APOD: variants seen among roughly 807,000 people sequenced by gnomAD.
APOD encodes the protein apolipoprotein D, also known as apo-D.
APOD carries 22 observed loss-of-function variants against 20.4 expected under a neutral mutation model. The ratio of observed to expected loss-of-function variants is 1.08; its 90% CI spans 0.77 to 1.54. APOD has a LOEUF of 1.54. APOD is among the 40% of genes most tolerant of loss of function. The pLI is 0.00. For synonymous variants in APOD, 97 were observed against 92.4 expected, an observed-to-expected ratio of 1.05 and a Z score of -0.29; for missense variants, 223 against 229.6, an observed-to-expected ratio of 0.97 and a Z score of 0.19.
intron 1 of APOD, 50 bp downstream of exon 1, chr3:195,583,828 A>G (rs905333668): frequency 5.3e-5 from 8 of 151,956 alleles, no homozygotes. Context: ...GACTGTTTCT[A>G]TTTTAGACAT....
At chr3:195,571,601 G>C (rs1449351372) in intron 3 of APOD, among the ~76,000 whole-genome samples, 3 of 152,078 alleles carry the variant, frequency 2.0e-5, no homozygotes, top group African/African-American at 7.2e-5. Flanking sequence ...GCAGCGGGGT[G>C]ATAAGAAGCC....
At chr3:195,569,701 C>T (rs1720124382) in intron 4 of APOD, among the ~76,000 whole-genome samples, 1 of 150,960 alleles carries the variant, frequency 6.6e-6, no homozygotes, top group Non-Finnish European at 1.5e-5. Flanking sequence ...TTTAATGTGG[C>T]ATTCAAGGCC....
chr3:195,569,311 G>A (rs1047412916), intron 4 of APOD, among the ~76,000 whole-genome samples, 176 bp from the exon 5 acceptor site: 9 of 152,138 alleles, frequency 5.9e-5, no homozygotes, highest in African/African-American at 2.2e-4. Context: ...TAGACTGAGT[G>A]TTTCTGACTT....
In APOD at chr3:195,568,843, A is replaced by C. The variant is rs201525248; in HGVS notation, c.*57T>G. The C allele has an allele frequency of 1.7e-5, 14 of 848,334 alleles. No individual in the cohort carries two copies. The highest frequency in any genetic ancestry group is 3.0e-5 in the East Asian group (1 of 32,894). 52.6% of individuals were successfully genotyped at this position (848,334 alleles called of 1,614,324 possible). On this transcript the variant is annotated 3_prime_UTR_variant, in exon 5 of 5. Coordinates refer to ENST00000343267, the MANE Select transcript of APOD (RefSeq NM_001647.4). Reference sequence around the variant, plus strand: ...TGGTTTGTCTTTATGGGGGGGGGGTAGGGGAAAGCGAAGCAGAAGTAACAT... The same window carrying C: ...TGGTTTGTCTTTATGGGGGGGGGGTCGGGGAAAGCGAAGCAGAAGTAACAT...
At chr3:195,579,255 T>C in intron 2 of APOD, 84 bp downstream of exon 2, 1 of 1,572,562 alleles carries the variant, frequency 6.4e-7, no homozygotes, top group Admixed American at 1.8e-5. Context: ...GCAGTGGAAA[T>C]TAAAGCAGCA....
rs192101619 is a variant in APOD at position 195,571,842 on chromosome 3, C to T, written c.246-477G>A. On this transcript the variant is annotated intron_variant, in intron 3 of 4. Coordinates refer to ENST00000343267, the MANE Select transcript of APOD (RefSeq NM_001647.4). ...TCCCCCAGGCTGGAGTGCAGTGGTG[C>T]GATCTCGGCTTACTGCAACCTCTGC... Among the ~76,000 whole-genome samples the T allele has an allele frequency of 6.6e-5, 10 of 151,384 alleles. 1 individual carries two copies. Among genetic ancestry groups the T allele is most frequent in the African/African-American group, 1.5e-4 (6 of 41,238 alleles).
chr3:195,573,773 G>A, intron 3 of APOD, 77 bp downstream of exon 3: 2 of 1,558,830 alleles, frequency 1.3e-6, no homozygotes, highest in South Asian at 1.2e-5. Flanking sequence ...CATCCTCCCT[G>A]ACCCAGGCTG....
At position 195,573,774 on chromosome 3, in the gene APOD, A is replaced by G; in HGVS notation, c.245+76T>C. On this transcript the variant is annotated intron_variant, in intron 3 of 4. Coordinates refer to ENST00000343267, the MANE Select transcript of APOD (RefSeq NM_001647.4). ...TCCAGCAAGGTTCCCATCCTCCCTG[A>G]CCCAGGCTGCCGGACACCCAGTCAC... 3 of 1,561,980 alleles carry G rather than the reference A, an allele frequency of 1.9e-6. No homozygotes were observed. The South Asian group carries it at 3.6e-5, about 19-fold the overall frequency.
chr3:195,569,785 C>CTTTTTTT (rs1560457392), intron 4 of APOD, among the ~76,000 whole-genome samples: 1 of 86,888 alleles, frequency 1.2e-5, no homozygotes, highest in African/African-American at 4.8e-5. Context: ...TCTTCTTCTT[C>CTTTTTTT]GTTTTTTTTT....
At position 195,573,844 on chromosome 3, in the gene APOD, A is replaced by G. The variant is rs755994814; in HGVS notation, c.245+6T>C. 6.2e-7 allele frequency: 1 copy of G among 1,613,620 alleles called. No homozygotes were observed. Among genetic ancestry groups the G allele is most frequent in the Non-Finnish European group, 8.5e-7 (1 of 1,179,758 alleles). ...GGCCTGGCCCCGGACGCCCACAGCC[A>G]CTCACCTCAACTCCTGGTTTAACAC... On this transcript the variant is annotated splice_donor_region_variant and intron_variant, in intron 3 of 4. Coordinates refer to ENST00000343267, the MANE Select transcript of APOD (RefSeq NM_001647.4).
chr3:195,579,362 G>A lies in APOD; in HGVS notation c.100C>T (p.Gln34Ter). ...HLGKCPNPPV[Q>*]ENFDVNKYLG... ...ACCTTATTCACGTCAAAATTCTCCT[G>A]CACCGGAGGATTGGGGCACTTCCCA... is the stretch of plus-strand genomic sequence containing the variant. Residue 34 changes from glutamine to a stop codon, truncating the protein, a stop_gained, in exon 2 of 5, where the codon CAG (glutamine) becomes TAG (stop). Coordinates refer to ENST00000343267, the MANE Select transcript of APOD (RefSeq NM_001647.4). LOFTEE classifies it high-confidence loss of function. The A allele has an allele frequency of 6.2e-7, 1 of 1,614,252 alleles. No homozygotes were observed. Among genetic ancestry groups the A allele is most frequent in the Non-Finnish European group, 8.5e-7 (1 of 1,180,044 alleles).
Position 195,573,873 on chromosome 3 carries a change from G to T in APOD, c.222C>A (p.Ile74=). The change falls in exon 3 of 5, where the codon ATC becomes ATA. Residue 74 remains isoleucine, a synonymous_variant. Coordinates refer to ENST00000343267, the MANE Select transcript of APOD (RefSeq NM_001647.4). ...ANYSLMENGK[I]KVLNQELRAD... The stretch of plus-strand genomic sequence containing the variant: ...ACCTCAACTCCTGGTTTAACACTTT[G>T]ATCTTTCCGTTTTCCATTAGTGAGT... The T allele has an allele frequency of 6.2e-7, 1 of 1,614,128 alleles. No homozygotes were observed. Among genetic ancestry groups the T allele is most frequent in the South Asian group, 1.1e-5 (1 of 91,066 alleles).
intron 1 of APOD, among the ~76,000 whole-genome samples, chr3:195,579,738 G>A (rs1720303826): frequency 6.6e-6 from 1 of 152,160 alleles, no homozygotes; most frequent in South Asian, 2.1e-4. Context: ...TTGTTGGATT[G>A]ATTTTCACCC....
At chr3:195,580,369 T>TTTCTTTC (rs1266396094) in intron 1 of APOD, among the ~76,000 whole-genome samples, 1,311 of 38,706 alleles carry the variant, frequency 0.034, 11 homozygotes, top group Non-Finnish European at 0.06. Flanking sequence ...TTCTTTCTTC[T>TTTCTTTC]TTTTTTTTTT....
At chr3:195,570,585 A>C (rs1720142584) in intron 4 of APOD, 1 of 152,258 alleles carries the variant, frequency 6.6e-6, no homozygotes, top group Non-Finnish European at 1.5e-5. Flanking sequence ...GCAGGGAGTA[A>C]CTTTTGTAGC....
At chr3:195,578,836 A>G (rs1043659664) in intron 2 of APOD, among the ~76,000 whole-genome samples, 11 of 152,116 alleles carry the variant, frequency 7.2e-5, no homozygotes, top group Non-Finnish European at 1.6e-4. Context: ...AGCAGCTACT[A>G]TGGTTCCCTG....
intron 2 of APOD, among the ~76,000 whole-genome samples, chr3:195,576,497 G>T (rs536422483): frequency 6.6e-6 from 1 of 152,270 alleles, no homozygotes; most frequent in South Asian, 2.1e-4. Context: ...CAAGATACAA[G>T]ATTAATATTC....
In APOD at chr3:195,571,326, G is replaced by A. The variant is rs137932128; in HGVS notation, c.285C>T (p.Thr95=). The part of the protein sequence containing the change: ...GTVNQIEGEA[T]PVNLTEPAKL... The stretch of plus-strand genomic sequence containing the variant: ...TGGCAGGCTCTGTGAGGTTAACTGG[G>A]GTGGCTTCACCTTCGATTTGATTCA... Residue 95 remains threonine (T), a synonymous_variant, in exon 4 of 5, where the codon ACC becomes ACT. Coordinates refer to ENST00000343267, the MANE Select transcript of APOD (RefSeq NM_001647.4). The A allele has an allele frequency of 6.8e-6, 11 of 1,614,038 alleles. No homozygotes were observed. The highest frequency in any genetic ancestry group is 9.3e-6 in the Non-Finnish European group (11 of 1,180,016).
chr3:195,571,241 T>G, intron 4 of APOD, 36 bp downstream of exon 4: 1 of 1,586,544 alleles, frequency 6.3e-7, no homozygotes. Context: ...GCATATTTCC[T>G]GTCCCTGAAT....
Sources: allele counts gnomAD v4.1 joint callset (sites outside exome capture counted in the v4.1 genomes callset), GRCh38; gene constraint gnomAD v4.1.1; transcripts MANE v1.5; gene names NCBI Gene and HGNC (gene_info 2026-07-23, HGNC 2026-07-21).